PALM2AKAP2: variants seen among roughly 807,000 people sequenced by gnomAD.
PALM2AKAP2 encodes PALM2 and AKAP2 fusion, also known as PALM2-AKAP2 fusion protein.
Under a neutral mutation model 71.5 loss-of-function variants are expected in PALM2AKAP2, and 37 were observed. That is an observed-to-expected ratio of 0.52 (90% confidence interval 0.40 to 0.68). The LOEUF (loss-of-function observed/expected upper bound fraction) is 0.68, where lower values mean the gene tolerates loss of function less well. Among genes scored for constraint, PALM2AKAP2 ranks in the 30% least tolerant of loss-of-function variants. The probability of loss-of-function intolerance (pLI) is 0.00; values close to 1 mark genes in which losing one functional copy is unlikely to be tolerated. For missense variants in PALM2AKAP2, 1,224 were observed against 1,191.8 expected (o/e 1.03, Z -0.40); for synonymous variants, 468 against 478.8 (o/e 0.98, Z 0.29).
intron 5 of PALM2AKAP2, among the ~76,000 whole-genome samples, chr9:109,930,251 A>AATT (rs752154557): frequency 1.9e-3 from 289 of 151,360 alleles, no homozygotes; most frequent in Non-Finnish European, 3.7e-3. Context: ...TTTGAGACAG[A>AATT]GTCTCACTCT....
chr9:109,920,765 G>T (rs906731059), intron 3 of PALM2AKAP2, among the ~76,000 whole-genome samples: 2 of 151,908 alleles, frequency 1.3e-5, no homozygotes, highest in African/African-American at 4.8e-5. Context: ...CTCAGGCCAG[G>T]TGTGGTGGCT....
rs553585814 is a variant in PALM2AKAP2, at chr9:109,987,279, C to T, written c.497-28675C>T. On this transcript the variant is annotated intron_variant, in intron 6 of 9. Transcript: ENST00000302798. ...CTGAGTAGCTGGGACTACAGGTGTGCGCCACCACACCTGGCTTATTTTTGT... is the reference window on the plus strand; with the variant it reads ...CTGAGTAGCTGGGACTACAGGTGTGTGCCACCACACCTGGCTTATTTTTGT... Among the ~76,000 whole-genome samples the T allele has an allele frequency of 3.8e-4, 58 of 152,068 alleles. No individual in the cohort carries two copies. The East Asian group carries it at 0.01, about 27-fold the overall frequency.
chr9:109,907,103 A>C (rs532529475), intron 3 of PALM2AKAP2, among the ~76,000 whole-genome samples: 1 of 152,226 alleles, frequency 6.6e-6, no homozygotes, highest in South Asian at 2.1e-4. Context: ...GATCCTACTG[A>C]CATGTTCCAA....
At chr9:110,012,373 A>G (rs1026368179) in intron 6 of PALM2AKAP2, among the ~76,000 whole-genome samples, 2 of 152,022 alleles carry the variant, frequency 1.3e-5, no homozygotes, top group African/African-American at 4.8e-5. Flanking sequence ...TTTTTGCCCT[A>G]ATTTCTTTCA....
exon 4 of PALM2AKAP2, chr9:110,172,059 T>C (rs1405442737): frequency 6.6e-6 from 1 of 152,628 alleles, no homozygotes; most frequent in East Asian, 1.9e-4. Context: ...CACACACATA[T>C]ATATATATAA....
chr9:109,882,761 G>T (rs1564194255), intron 3 of PALM2AKAP2, among the ~76,000 whole-genome samples: 1 of 151,944 alleles, frequency 6.6e-6, no homozygotes, highest in Non-Finnish European at 1.5e-5. Context: ...TCCGACCTCA[G>T]CCTCTCAAAT....
Position 110,019,678 on chromosome 9 carries a change from C to G in PALM2AKAP2, c.582+3639C>G, listed in dbSNP as rs891761488. ...GATGCAGAAGGAGGCCATTATCCTGCAAGAATTAATGCAGAAACAGAAAAT... is the reference window on the plus strand; with the variant it reads ...GATGCAGAAGGAGGCCATTATCCTGGAAGAATTAATGCAGAAACAGAAAAT... On this transcript the variant is annotated intron_variant, in intron 7 of 9. Transcript: ENST00000302798. Among the ~76,000 whole-genome samples, 3 of 152,246 alleles carry G rather than the reference C, an allele frequency of 2.0e-5. No individual in the cohort carries two copies. In the East Asian group the frequency reaches 5.8e-4, roughly 29 times the overall value.
chr9:109,641,337 G>A (rs1827066408), intron 1 of PALM2AKAP2, among the ~76,000 whole-genome samples: 2 of 152,236 alleles, frequency 1.3e-5, no homozygotes, highest in African/African-American at 4.8e-5. Context: ...TGGGTAATAT[G>A]AGCCAGGGCT....
intron 1 of PALM2AKAP2, among the ~76,000 whole-genome samples, chr9:109,694,127 T>C (rs192142350): frequency 8.5e-5 from 13 of 152,170 alleles, no homozygotes; most frequent in Admixed American, 2.6e-4. Flanking sequence ...CCTGAATGAT[T>C]AAATAAATGA....
intron 3 of PALM2AKAP2, among the ~76,000 whole-genome samples, chr9:109,904,242 G>A (rs1830393540): frequency 6.6e-6 from 1 of 152,162 alleles, no homozygotes; most frequent in African/African-American, 2.4e-5. Flanking sequence ...TATAGATTGA[G>A]GAGAAAATCA....
At chr9:109,980,824 C>A (rs1398206259) in intron 6 of PALM2AKAP2, among the ~76,000 whole-genome samples, 1 of 152,232 alleles carries the variant, frequency 6.6e-6, no homozygotes. Flanking sequence ...CTATACCCAT[C>A]TCTAAAATGT....
At chr9:109,662,173 G>A (rs1052661647) in intron 1 of PALM2AKAP2, among the ~76,000 whole-genome samples, 5 of 152,112 alleles carry the variant, frequency 3.3e-5, no homozygotes, top group African/African-American at 7.2e-5. Flanking sequence ...TCTCCTGCCT[G>A]ATTGCCCTGG....
At chr9:109,809,805 G>T (rs1011520562) in intron 1 of PALM2AKAP2, among the ~76,000 whole-genome samples, 5 of 152,150 alleles carry the variant, frequency 3.3e-5, no homozygotes, top group Non-Finnish European at 7.3e-5. Flanking sequence ...AATCACAGGG[G>T]TGGTTACCCC....
intron 1 of PALM2AKAP2, among the ~76,000 whole-genome samples, chr9:109,761,449 C>G (rs1309613796): frequency 6.6e-6 from 1 of 152,048 alleles, no homozygotes; most frequent in East Asian, 1.9e-4. Flanking sequence ...TGGTGGTTTG[C>G]TGCACCAATC....
intron 7 of PALM2AKAP2, among the ~76,000 whole-genome samples, chr9:110,032,453 G>C (rs1833297040): frequency 6.6e-6 from 1 of 152,148 alleles, no homozygotes; most frequent in South Asian, 2.1e-4. Context: ...AGCACTTTGG[G>C]AGGCTGAGGC....
chr9:109,815,618 G>A (rs1048780543), intron 1 of PALM2AKAP2, among the ~76,000 whole-genome samples: 16 of 152,128 alleles, frequency 1.1e-4, no homozygotes, highest in African/African-American at 3.6e-4. Flanking sequence ...GACAGGCAAT[G>A]GTACACATTC....
At chr9:109,945,414 T>C (rs1000958117) in intron 6 of PALM2AKAP2, 2 of 152,184 alleles carry the variant, frequency 1.3e-5, no homozygotes, top group Non-Finnish European at 2.9e-5. Context: ...GGAATAAAAT[T>C]GCTATTTTAT....
intron 1 of PALM2AKAP2, among the ~76,000 whole-genome samples, chr9:109,767,746 C>G (rs1430359165): frequency 6.6e-6 from 1 of 152,206 alleles, no homozygotes; most frequent in Non-Finnish European, 1.5e-5. Flanking sequence ...GCCACTCTCT[C>G]CCCTTAGTGT....
At chr9:110,137,613 C>T (rs1835918079) in exon 2 of PALM2AKAP2, 1 of 1,614,110 alleles carries the variant, frequency 6.2e-7, no homozygotes, top group Non-Finnish European at 8.5e-7. Context: ...GATCAGTTCT[C>T]AAGATCTGTC....
Sources: allele counts gnomAD v4.1 joint callset (sites outside exome capture counted in the v4.1 genomes callset), GRCh38; gene constraint gnomAD v4.1.1; transcripts MANE v1.5; gene names NCBI Gene and HGNC (gene_info 2026-07-23, HGNC 2026-07-21).